KSR2: variants seen among roughly 807,000 people sequenced by gnomAD.
The protein encoded by KSR2 is kinase suppressor of ras 2.
Under a neutral mutation model 107.8 loss-of-function variants are expected in KSR2, and 25 were observed. The observed-to-expected ratio is 0.23, with a 90% CI of 0.17 to 0.32. The LOEUF (loss-of-function observed/expected upper bound fraction) is 0.32. KSR2 is among the 10% of genes least tolerant of loss of function. The probability of loss-of-function intolerance (pLI) is 1.00; values close to 1 mark genes in which losing one functional copy is unlikely to be tolerated. For missense variants in KSR2, 887 were observed against 1,268.9 expected (o/e 0.70, Z 4.57); for synonymous variants, 480 against 507.0 (o/e 0.95, Z 0.71).
At chr12:117,526,969 C>T in intron 13 of KSR2, 102 bp downstream of exon 13, 2 of 903,150 alleles carry the variant, frequency 2.2e-6, no homozygotes. Context: ...CCACAGCCCC[C>T]ACCTGACCCC....
intron 3 of KSR2, among the ~76,000 whole-genome samples, chr12:117,844,097 T>C (rs933941651): frequency 1.3e-5 from 2 of 152,132 alleles, no homozygotes; most frequent in Admixed American, 6.5e-5. Flanking sequence ...GTTCCAGAAC[T>C]AGCAGCCTCC....
At chr12:117,496,455 T>C (rs908980648) in intron 14 of KSR2, among the ~76,000 whole-genome samples, 2 of 152,126 alleles carry the variant, frequency 1.3e-5, no homozygotes, top group African/African-American at 4.8e-5. Flanking sequence ...GGGCTGCACA[T>C]CTCATTCAGT....
At chr12:117,881,827 C>T (rs532199580) in intron 1 of KSR2, among the ~76,000 whole-genome samples, 2 of 152,280 alleles carry the variant, frequency 1.3e-5, no homozygotes, top group East Asian at 3.9e-4. Flanking sequence ...TGAAGTCCAG[C>T]AGGGTCTGTT....
chr12:117,880,376 A>C (rs573757460), intron 1 of KSR2, among the ~76,000 whole-genome samples: 1 of 152,280 alleles, frequency 6.6e-6, no homozygotes, highest in South Asian at 2.1e-4. Flanking sequence ...GTGCAGACAC[A>C]GAATATAGCC....
intron 3 of KSR2, among the ~76,000 whole-genome samples, chr12:117,819,490 A>G (rs1033567173): frequency 2.0e-5 from 3 of 151,918 alleles, no homozygotes; most frequent in Non-Finnish European, 2.9e-5. Flanking sequence ...AGCCATGTTC[A>G]CTCTTTTGAT....
chr12:117,645,868 C>CGTGTGTGTGT (rs58896782), intron 5 of KSR2, among the ~76,000 whole-genome samples: 2 of 142,064 alleles, frequency 1.4e-5, no homozygotes, highest in African/African-American at 5.3e-5. Flanking sequence ...TGTGTATGTG[C>CGTGTGTGTGT]GTGTGTGTGT....
chr12:117,605,367 T>C (rs949271736), intron 5 of KSR2, among the ~76,000 whole-genome samples: 1 of 151,806 alleles, frequency 6.6e-6, no homozygotes, highest in African/African-American at 2.4e-5. Flanking sequence ...TGAGCTAAAT[T>C]AATTTTGTTC....
intron 6 of KSR2, among the ~76,000 whole-genome samples, chr12:117,580,681 G>A (rs1678947608): frequency 6.6e-6 from 1 of 152,236 alleles, no homozygotes. Context: ...CCAAGTCTCA[G>A]CTCCTCTGGG....
At chr12:117,800,460 T>G (rs1215632904) in intron 3 of KSR2, among the ~76,000 whole-genome samples, 2 of 152,184 alleles carry the variant, frequency 1.3e-5, no homozygotes, top group Non-Finnish European at 2.9e-5. Context: ...CTTGGGGAGC[T>G]GGAGAAGCCA....
At chr12:117,883,549 C>T (rs1437993066) in intron 1 of KSR2, among the ~76,000 whole-genome samples, 4 of 152,084 alleles carry the variant, frequency 2.6e-5, no homozygotes, top group East Asian at 1.9e-4. Flanking sequence ...TGGTACTACC[C>T]GGACCAACCA....
rs114628878 is a variant in KSR2 at position 117,515,601 on chromosome 12, A to C, written c.2219+9251T>G. The stretch of plus-strand genomic sequence containing the variant: ...AGCAAACATAGAAGAACAAAATAAT[A>C]ATTATCTTATGATGAGAAGCACCTT... On this transcript the variant is annotated intron_variant, in intron 14 of 19. Coordinates refer to ENST00000339824, the MANE Select transcript of KSR2 (RefSeq NM_173598.6). Among the ~76,000 whole-genome samples the C allele has an allele frequency of 7.1e-3, 1,085 of 152,234 alleles. 23 individuals are homozygous for C. The highest frequency in any genetic ancestry group is 0.025 in the African/African-American group (1,040 of 41,530).
In KSR2 at chr12:117,771,109, A is replaced by G. The variant is rs180947111; in HGVS notation, c.473-9585T>C. Among the ~76,000 whole-genome samples the G allele has an allele frequency of 1.8e-3, 273 of 152,324 alleles. 1 individual carries two copies. The highest frequency in any genetic ancestry group is 3.3e-3 in the Non-Finnish European group (227 of 68,032). On this transcript the variant is annotated intron_variant, in intron 3 of 19. Coordinates refer to ENST00000339824, the MANE Select transcript of KSR2 (RefSeq NM_173598.6). ...CTTTATACATGAACATTTATACAACATTGTGAAAGGAAAATAAATCTTGGA... is the reference window on the plus strand; with the variant it reads ...CTTTATACATGAACATTTATACAACGTTGTGAAAGGAAAATAAATCTTGGA...
intron 1 of KSR2, among the ~76,000 whole-genome samples, chr12:117,933,808 A>T (rs2137507210): frequency 6.6e-6 from 1 of 152,216 alleles, no homozygotes; most frequent in African/African-American, 2.4e-5. Context: ...TGGCTCAGTA[A>T]AGTTATGTAA....
chr12:117,648,759 G>A (rs1406917898), intron 5 of KSR2, among the ~76,000 whole-genome samples: 1 of 152,186 alleles, frequency 6.6e-6, no homozygotes, highest in Non-Finnish European at 1.5e-5. Flanking sequence ...CTTATGGGCT[G>A]GCATGGGCCA....
At chr12:117,469,633 G>A in intron 19 of KSR2, 29 bp downstream of exon 19, 2 of 1,607,858 alleles carry the variant, frequency 1.2e-6, no homozygotes, top group South Asian at 2.2e-5. Flanking sequence ...ACAAGGCAGT[G>A]GGGAGAGACA....
intron 1 of KSR2, among the ~76,000 whole-genome samples, chr12:117,917,233 T>C (rs1209895648): frequency 1.3e-5 from 2 of 152,188 alleles, no homozygotes; most frequent in African/African-American, 2.4e-5. Flanking sequence ...ATTAAGACTA[T>C]ACAATATATC....
At position 117,737,101 on chromosome 12, in the gene KSR2, C is replaced by A. The variant is rs115985205; in HGVS notation, c.986+23910G>T. Among the ~76,000 whole-genome samples, 447 of 152,354 alleles carry A rather than the reference C, an allele frequency of 2.9e-3. 3 individuals carry two copies. Among genetic ancestry groups the A allele is most frequent in the African/African-American group, 9.7e-3 (404 of 41,596 alleles). On this transcript the variant is annotated intron_variant, in intron 4 of 19. Coordinates refer to ENST00000339824, the MANE Select transcript of KSR2 (RefSeq NM_173598.6). ...TGGCCTCATGAGTGTTTGATCCACA[C>A]TGGAAAATTCAATCCAATCCTTTGT...
At position 117,463,053 on chromosome 12, in the gene KSR2, A is replaced by G. The variant is rs1168633604; in HGVS notation, c.*4146T>C. On this transcript the variant is annotated 3_prime_UTR_variant, in exon 20 of 20. Transcript: ENST00000339824. ...TCCAGCCTCAAGAATTGTGAGGAAT[A>G]AATTCGTGTTGTTTAAGCCACTCAG... 3.3e-5 allele frequency: 5 copies of G among 152,206 alleles called. No homozygotes were observed. The highest frequency in any genetic ancestry group is 1.2e-4 in the African/African-American group (5 of 41,442). 9.4% of individuals were successfully genotyped at this position (152,206 alleles called of 1,614,324 possible).
intron 4 of KSR2, among the ~76,000 whole-genome samples, chr12:117,717,848 C>T (rs941374486): frequency 6.6e-6 from 1 of 152,122 alleles, no homozygotes; most frequent in Non-Finnish European, 1.5e-5. Context: ...TTTGCAGCAA[C>T]CTTAGAGAAA....
Sources: gnomAD v4.1 joint callset for allele counts (sites outside exome capture counted in the v4.1 genomes callset) on GRCh38, gnomAD v4.1.1 for gene constraint, MANE v1.5 for transcripts, NCBI Gene and HGNC (gene_info 2026-07-23, HGNC 2026-07-21) for gene names.